Variants in FARS2 observed in about 807,000 individuals in gnomAD.
The protein encoded by FARS2 is phenylalanyl-tRNA synthetase 2, mitochondrial.
Under a neutral mutation model 46.4 loss-of-function variants are expected in FARS2, and 40 were observed. The ratio of observed to expected loss-of-function variants is 0.86; its 90% CI spans 0.67 to 1.12. FARS2 has a LOEUF of 1.12. Among genes scored for constraint, FARS2 ranks in the 50% most tolerant of loss-of-function variants. The probability of loss-of-function intolerance (pLI) is 0.00; values close to 1 mark genes in which losing one functional copy is unlikely to be tolerated. For missense variants in FARS2, 513 were observed against 567.9 expected (o/e 0.90, Z 0.98); for synonymous variants, 234 against 214.9 (o/e 1.09, Z -0.78).
At chr6:5,665,577 T>A (rs1315977416) in intron 6 of FARS2, 1 of 152,212 alleles carries the variant, frequency 6.6e-6, no homozygotes, top group Non-Finnish European at 1.5e-5. Flanking sequence ...TCATATTTAT[T>A]TCCCCCCTCA....
intron 4 of FARS2, among the ~76,000 whole-genome samples, chr6:5,515,875 C>T (rs907602920): frequency 2.1e-4 from 32 of 152,136 alleles, no homozygotes; most frequent in Non-Finnish European, 3.1e-4. Flanking sequence ...AGTGGGTTTA[C>T]GTTTAGTAAT....
intron 5 of FARS2, among the ~76,000 whole-genome samples, chr6:5,579,900 A>G (rs536960990): frequency 1.3e-5 from 2 of 152,066 alleles, no homozygotes; most frequent in South Asian, 2.1e-4. Context: ...TGGATCAGTT[A>G]CTCATTCTAT....
At chr6:5,658,577 A>T (rs1311392919) in intron 6 of FARS2, among the ~76,000 whole-genome samples, 1 of 152,212 alleles carries the variant, frequency 6.6e-6, no homozygotes, top group Non-Finnish European at 1.5e-5. Context: ...CCTCTTTAAG[A>T]AATGTATATG....
intron 1 of FARS2, among the ~76,000 whole-genome samples, chr6:5,338,223 G>A (rs1771297732): frequency 6.6e-6 from 1 of 152,058 alleles, no homozygotes; most frequent in African/African-American, 2.4e-5. Flanking sequence ...CTAGATTCAG[G>A]TAGAGTTATC....
At chr6:5,440,718 T>A (rs1168322253) in intron 4 of FARS2, among the ~76,000 whole-genome samples, 2 of 152,168 alleles carry the variant, frequency 1.3e-5, no homozygotes, top group Non-Finnish European at 2.9e-5. Flanking sequence ...AGGGGGGGTG[T>A]CTCACTGTGT....
chr6:5,384,516 C>G (rs1759994622), intron 2 of FARS2, among the ~76,000 whole-genome samples: 1 of 152,186 alleles, frequency 6.6e-6, no homozygotes, highest in African/African-American at 2.4e-5. Context: ...TCTATTGTCC[C>G]TGGCCTCTGG....
At chr6:5,570,015 C>T (rs1772550795) in intron 5 of FARS2, among the ~76,000 whole-genome samples, 1 of 152,196 alleles carries the variant, frequency 6.6e-6, no homozygotes, top group African/African-American at 2.4e-5. Flanking sequence ...TCCTTCAATT[C>T]TTGAACCTTG....
At chr6:5,513,667 A>G in intron 4 of FARS2, among the ~76,000 whole-genome samples, 1 of 152,186 alleles carries the variant, frequency 6.6e-6, no homozygotes, top group Admixed American at 6.5e-5. Context: ...GGGAGGCAGC[A>G]GGTTGTCCAG....
chr6:5,660,557 G>C (rs969798311), intron 6 of FARS2, among the ~76,000 whole-genome samples: 2 of 151,898 alleles, frequency 1.3e-5, no homozygotes, highest in African/African-American at 4.8e-5. Flanking sequence ...CTGAGGTGGG[G>C]GGATCCCCTG....
At chr6:5,562,325 G>A (rs1270854718) in intron 5 of FARS2, among the ~76,000 whole-genome samples, 3 of 152,098 alleles carry the variant, frequency 2.0e-5, no homozygotes, top group Admixed American at 6.6e-5. Flanking sequence ...GCGTTATAGA[G>A]TGCTTGCCTT....
intron 5 of FARS2, among the ~76,000 whole-genome samples, chr6:5,581,912 C>T (rs1424558977): frequency 1.3e-5 from 2 of 151,140 alleles, no homozygotes; most frequent in Admixed American, 6.6e-5. Context: ...TCCTGATGCG[C>T]TTCTATAAAT....
intron 1 of FARS2, among the ~76,000 whole-genome samples, chr6:5,328,035 G>A (rs1770521933): frequency 6.6e-6 from 1 of 152,122 alleles, no homozygotes; most frequent in Non-Finnish European, 1.5e-5. Context: ...TAGGAAGACC[G>A]GTTGTCAAAC....
intron 5 of FARS2, among the ~76,000 whole-genome samples, chr6:5,601,303 C>A (rs559477037): frequency 6.6e-6 from 1 of 152,034 alleles, no homozygotes; most frequent in Non-Finnish European, 1.5e-5. Context: ...AGGTGGATCA[C>A]CCAAGGTCGG....
chr6:5,744,471 G>A (rs1263454405), intron 6 of FARS2, among the ~76,000 whole-genome samples: 1 of 152,222 alleles, frequency 6.6e-6, no homozygotes, highest in African/African-American at 2.4e-5. Context: ...AGATGAGGAA[G>A]CAGAGGCTTT....
rs1330262788 is a variant in FARS2, at chr6:5,471,955, G to C, written c.904+40783G>C. Among the ~76,000 whole-genome samples, 3 of 152,184 alleles carry C rather than the reference G, an allele frequency of 2.0e-5. No individual in the cohort carries two copies. The highest frequency in any genetic ancestry group is 4.4e-5 in the Non-Finnish European group (3 of 68,032). On this transcript the variant is annotated intron_variant, in intron 4 of 6. Transcript: ENST00000274680. This position sits in a 1 kb window ranked among gnomAD's most constrained non-coding sequence, Gnocchi z 4.1. ...CAGGAGCCTGCCTGAAAATGAATGA[G>C]AAACAAGTGGAATTCAGAATAGTCC...
At chr6:5,444,488 AAAAAAGAGAGAG>A (rs1183462169) in intron 4 of FARS2, among the ~76,000 whole-genome samples, 80 of 20,972 alleles carry the variant, frequency 3.8e-3, no homozygotes, top group African/African-American at 9.9e-3. Context: ...AAAAAAAAAA[AAAAAAGAGAGAG>A]AGAGAGAGAG....
chr6:5,381,777 T>G (rs1759810650), intron 2 of FARS2, among the ~76,000 whole-genome samples: 1 of 152,190 alleles, frequency 6.6e-6, no homozygotes. Context: ...CAGATGTCAG[T>G]TATTAGAATG....
chr6:5,693,690 G>A lies in FARS2; in HGVS notation c.1218-77601G>A, dbSNP rs201557206. ...GCTGGGGCCTTGTCTGGGAAGACTC[G>A]AAGACTGGGAGTGACTGCTTGGCTA... is the stretch of plus-strand genomic sequence containing the variant. On this transcript the variant is annotated intron_variant, in intron 6 of 6. Transcript: ENST00000274680. Among the ~76,000 whole-genome samples, 60 of 152,272 alleles carry A rather than the reference G, an allele frequency of 3.9e-4. 1 individual carries two copies. The highest frequency in any genetic ancestry group is 1.4e-3 in the African/African-American group (59 of 41,556).
chr6:5,691,242 TC>T (rs1757693004), intron 6 of FARS2, among the ~76,000 whole-genome samples: 1 of 152,248 alleles, frequency 6.6e-6, no homozygotes, highest in South Asian at 2.1e-4. Flanking sequence ...GGAGCTGCGT[TC>T]CTTTGGAGGA....
Sources: allele counts gnomAD v4.1 joint callset (sites outside exome capture counted in the v4.1 genomes callset), GRCh38; gene constraint gnomAD v4.1.1; non-coding constraint Gnocchi (gnomAD v3.1); transcripts MANE v1.5; gene names NCBI Gene and HGNC (gene_info 2026-07-23, HGNC 2026-07-21).